COL19A1: variants seen among roughly 807,000 people sequenced by gnomAD.
The protein encoded by COL19A1 is collagen type XIX alpha 1 chain.
In COL19A1, 159 loss-of-function variants were observed where a neutral mutation model predicts 190.2. The observed-to-expected ratio is 0.84, with a 90% CI of 0.73 to 0.95. The LOEUF is 0.95. Ranked by LOEUF, COL19A1 falls within the 40% of genes least tolerant of loss-of-function variation. The pLI, the probability that COL19A1 is intolerant of heterozygous loss-of-function variation, is 0.00. For missense variants in COL19A1, 1,418 were observed against 1,431.9 expected (o/e 0.99, Z 0.16); for synonymous variants, 509 against 458.9 (o/e 1.11, Z -1.39).
Position 70,146,205 on chromosome 6 carries a change from A to C in COL19A1, c.1771-454A>C, listed in dbSNP as rs145300109. On this transcript the variant is annotated intron_variant, in intron 25 of 50. Coordinates refer to ENST00000620364, the MANE Select transcript of COL19A1 (RefSeq NM_001858.6). ...TTTAAAACATAAACGTTCCTAGGGC[A>C]GTATTGTAAAACAGAAAAACTACCT... is the stretch of plus-strand genomic sequence containing the variant. 7.2e-4 allele frequency among the ~76,000 whole-genome samples: 109 copies of C among 152,282 alleles called. 1 individual carries two copies. In the South Asian group the frequency reaches 0.012, roughly 17 times the overall value.
intron 2 of COL19A1, among the ~76,000 whole-genome samples, chr6:69,892,737 C>G (rs931296146): frequency 2.6e-5 from 4 of 152,180 alleles, no homozygotes; most frequent in African/African-American, 9.7e-5. Context: ...GACCACAGGT[C>G]AGGAACCCTG....
Position 70,160,796 on chromosome 6 carries a change from T to G in COL19A1, c.2293-1104T>G, listed in dbSNP as rs569114553. On this transcript the variant is annotated intron_variant, in intron 34 of 50. Transcript: ENST00000620364. ...CGTGATAAAATAATAAAAGCCTGTA[T>G]GTATCATTCCCATCTTTTAGGAAGT... Among the ~76,000 whole-genome samples the G allele has an allele frequency of 2.4e-3, 360 of 152,310 alleles. 2 individuals carry two copies. The highest frequency in any genetic ancestry group is 7.9e-3 in the African/African-American group (328 of 41,574).
chr6:70,179,283 C>T (rs984340606), intron 42 of COL19A1, among the ~76,000 whole-genome samples: 11 of 152,196 alleles, frequency 7.2e-5, no homozygotes, highest in African/African-American at 2.7e-4. Flanking sequence ...ACCTACTTGG[C>T]TTTTTCAGGT....
intron 9 of COL19A1, among the ~76,000 whole-genome samples, chr6:69,942,740 A>ATGTGTGTGTGTGTGTGTG (rs35406948): frequency 8.9e-5 from 13 of 146,684 alleles, no homozygotes; most frequent in African/African-American, 2.8e-4. Context: ...CATTGTGTGT[A>ATGTGTGTGTGTGTGTGTG]TGTGTGTGTG....
intron 1 of COL19A1, among the ~76,000 whole-genome samples, chr6:69,870,847 A>T (rs924286635): frequency 2.6e-5 from 4 of 152,218 alleles, no homozygotes; most frequent in African/African-American, 7.2e-5. Context: ...TTCAGCGAGG[A>T]TGAGAAAGTT....
intron 9 of COL19A1, 21 bp downstream of exon 9, chr6:69,938,121 G>T: frequency 6.2e-7 from 1 of 1,607,744 alleles, no homozygotes; most frequent in Non-Finnish European, 8.5e-7. Context: ...AACAAATACT[G>T]ATGGAGAAAA....
In COL19A1 at chr6:70,168,151, CT is replaced by C; in HGVS notation, c.2497-16del. 6.2e-7 allele frequency: 1 copy of C among 1,611,848 alleles called. No homozygotes were observed. Among genetic ancestry groups the C allele is most frequent in the East Asian group, 2.2e-5 (1 of 44,730 alleles). On this transcript the variant is annotated intron_variant, in intron 38 of 50. Coordinates refer to ENST00000620364, the MANE Select transcript of COL19A1 (RefSeq NM_001858.6). ...CGTCTCATCTTTCTCTTTTTCTTTT[CT>C]TTTCATTTTCTTTTGAAGGGAGGTG...
intron 1 of COL19A1, among the ~76,000 whole-genome samples, chr6:69,877,994 G>A (rs1379667304): frequency 2.0e-5 from 3 of 151,840 alleles, no homozygotes; most frequent in African/African-American, 7.3e-5. Flanking sequence ...CTGGGCTACA[G>A]AGCAAAACTC....
At chr6:70,105,330 G>GT (rs1215217857) in intron 16 of COL19A1, among the ~76,000 whole-genome samples, 1 of 151,894 alleles carries the variant, frequency 6.6e-6, no homozygotes, top group African/African-American at 2.4e-5. Flanking sequence ...GCCAATTTTT[G>GT]TATTTTTAGT....
rs1161766160 is a variant in COL19A1 at position 70,210,719 on chromosome 6, A to G, written c.*3445A>G. 6.6e-6 allele frequency among the ~76,000 whole-genome samples: 1 copy of G among 152,200 alleles called. No individual in the cohort carries two copies. The highest frequency in any genetic ancestry group is 2.4e-5 in the African/African-American group (1 of 41,474). ...TTGTTCAGAAGAACTGAGCAAACTA[A>G]CAGAAATACAAGGCTACGAACAGTT... On this transcript the variant is annotated 3_prime_UTR_variant, in exon 51 of 51. Transcript: ENST00000620364.
chr6:70,203,934 C>T (rs1767705561), intron 49 of COL19A1, among the ~76,000 whole-genome samples: 1 of 151,830 alleles, frequency 6.6e-6, no homozygotes, highest in Non-Finnish European at 1.5e-5. Flanking sequence ...AATCTTGGCT[C>T]ACTGCAACCT....
intron 4 of COL19A1, among the ~76,000 whole-genome samples, chr6:69,909,853 T>G (rs1281307782): frequency 6.6e-6 from 1 of 152,146 alleles, no homozygotes; most frequent in Non-Finnish European, 1.5e-5. Flanking sequence ...TGGTATCATA[T>G]AATCGGAAAG....
intron 7 of COL19A1, among the ~76,000 whole-genome samples, chr6:69,935,363 C>G (rs1032930404): frequency 2.0e-5 from 3 of 151,912 alleles, no homozygotes; most frequent in African/African-American, 7.2e-5. Context: ...TATTTAAATC[C>G]TCAATTTAAT....
At chr6:69,971,210 A>G (rs1775402444) in intron 11 of COL19A1, among the ~76,000 whole-genome samples, 2 of 152,254 alleles carry the variant, frequency 1.3e-5, no homozygotes, top group African/African-American at 4.8e-5. Flanking sequence ...TTAGTCTTTT[A>G]AAGTATTATT....
At chr6:69,873,575 G>A (rs1326253792) in intron 1 of COL19A1, among the ~76,000 whole-genome samples, 1 of 152,204 alleles carries the variant, frequency 6.6e-6, no homozygotes, top group Non-Finnish European at 1.5e-5. Flanking sequence ...CTTTATGAAG[G>A]TATTTGCTGA....
chr6:70,152,829 A>G (rs1422897085), intron 31 of COL19A1, among the ~76,000 whole-genome samples: 1 of 152,174 alleles, frequency 6.6e-6, no homozygotes, highest in Non-Finnish European at 1.5e-5. Context: ...ATTTCAGAAT[A>G]CTTAGGGTTC....
At chr6:70,126,755 A>G (rs737331) in intron 17 of COL19A1, among the ~76,000 whole-genome samples, 5,853 of 152,320 alleles carry the variant, frequency 0.038, 151 homozygotes, top group Non-Finnish European at 0.06. Flanking sequence ...CCAGAAGTCA[A>G]GATGAAGGCG....
chr6:70,091,169 G>A (rs1390674593), intron 15 of COL19A1, among the ~76,000 whole-genome samples: 1 of 152,078 alleles, frequency 6.6e-6, no homozygotes, highest in Non-Finnish European at 1.5e-5. Flanking sequence ...AGTGGTAATG[G>A]TCAGAGATGA....
chr6:69,945,077 A>T (rs1582481987), intron 9 of COL19A1, among the ~76,000 whole-genome samples: 1 of 151,806 alleles, frequency 6.6e-6, no homozygotes, highest in East Asian at 1.9e-4. Flanking sequence ...ATTCTCTCAG[A>T]GTTTTATAAA....
Sources: allele counts gnomAD v4.1 joint callset (sites outside exome capture counted in the v4.1 genomes callset), GRCh38; gene constraint gnomAD v4.1.1; transcripts MANE v1.5; gene names NCBI Gene and HGNC (gene_info 2026-07-23, HGNC 2026-07-21).